The following CLNK variants were observed in gnomAD, a reference collection of about 807,000 sequenced individuals.
CLNK encodes the protein cytokine-dependent hematopoietic cell linker.
In CLNK, 74 loss-of-function variants were observed where a neutral mutation model predicts 68.6. The ratio of observed to expected loss-of-function variants is 1.08; its 90% CI spans 0.89 to 1.31. CLNK has a LOEUF of 1.31. Among genes scored for constraint, CLNK ranks in the 50% most tolerant of loss-of-function variants. The pLI, the probability that CLNK is intolerant of heterozygous loss-of-function variation, is 0.00. For synonymous variants in CLNK, 198 were observed against 172.2 expected (o/e 1.15, Z -1.17); for missense variants, 553 against 515.3 (o/e 1.07, Z -0.71).
At chr4:10,610,033 G>GTTTTTTTTTTTTTT (rs71181047) in intron 2 of CLNK, among the ~76,000 whole-genome samples, 4 of 73,450 alleles carry the variant, frequency 5.4e-5, no homozygotes, top group Non-Finnish European at 7.2e-5. Flanking sequence ...ATGAATGCTC[G>GTTTTTTTTTTTTTT]TTTTTTTTTT....
chr4:10,694,744 T>C, the CLNK span, among the ~76,000 whole-genome samples: 1 of 152,176 alleles, frequency 6.6e-6, no homozygotes, highest in African/African-American at 2.4e-5. Flanking sequence ...TGGTGGTATA[T>C]ACTACCAACA....
intron 1 of CLNK, among the ~76,000 whole-genome samples, chr4:10,677,856 A>AATG (rs1245608345): frequency 6.6e-6 from 1 of 151,670 alleles, no homozygotes; most frequent in African/African-American, 2.4e-5. Flanking sequence ...TAATAATAAT[A>AATG]ATAATACCAT....
chr4:10,699,220 A>ATGTGTGTATACACACACATACACACCACG, the CLNK span, among the ~76,000 whole-genome samples: 4 of 75,586 alleles, frequency 5.3e-5, no homozygotes, highest in Non-Finnish European at 5.8e-5. Context: ...TACACACCAC[A>ATGTGTGTATACACACACATACACACCACG]TATGTGTGTG....
intron 16 of CLNK, among the ~76,000 whole-genome samples, chr4:10,511,724 T>TTG (rs943836473): frequency 1.3e-5 from 2 of 152,048 alleles, no homozygotes; most frequent in African/African-American, 2.4e-5. Flanking sequence ...AACTGTTTCA[T>TTG]TGTGTGTGTG....
rs1028912768 is a variant in CLNK at position 10,489,379 on chromosome 4, G to T, written c.*1088C>A. On this transcript the variant is annotated 3_prime_UTR_variant, in exon 19 of 19. Transcript: ENST00000226951. ...TGAATGGAAGTCCATAATTGGAATT[G>T]TTAATACAATTTTTAGTTTCCCTCA... is the stretch of plus-strand genomic sequence containing the variant. 4 of 152,198 alleles carry T rather than the reference G, an allele frequency of 2.6e-5. No homozygotes were observed. The highest frequency in any genetic ancestry group is 9.6e-5 in the African/African-American group (4 of 41,456). The allele number at this position is 152,198 out of a possible 1,614,324, so 9.4% of individuals were successfully genotyped here.
chr4:10,663,086 G>A (rs1724255934), intron 2 of CLNK, among the ~76,000 whole-genome samples: 1 of 152,202 alleles, frequency 6.6e-6, no homozygotes, highest in Non-Finnish European at 1.5e-5. Context: ...AAAGCACTCA[G>A]AACCACAGCG....
At chr4:10,708,666 A>G in the CLNK span, among the ~76,000 whole-genome samples, 2 of 152,368 alleles carry the variant, frequency 1.3e-5, no homozygotes, top group African/African-American at 4.8e-5. Context: ...AGTTCAGGGA[A>G]GGCAGGGCAC....
chr4:10,514,023 C>T (rs1475978207), intron 15 of CLNK, among the ~76,000 whole-genome samples: 45 of 115,504 alleles, frequency 3.9e-4, no homozygotes, highest in African/African-American at 1.4e-3. Context: ...CCCTCCCCAC[C>T]ACAGTCCCCA....
intron 6 of CLNK, 109 bp downstream of exon 6, chr4:10,565,900 C>T: frequency 8.5e-7 from 1 of 1,180,060 alleles, no homozygotes; most frequent in Admixed American, 2.4e-5. Flanking sequence ...GTCATGGGGG[C>T]AGACGTTAAC....
At chr4:10,633,471 A>G (rs544755073) in intron 2 of CLNK, among the ~76,000 whole-genome samples, 2 of 152,208 alleles carry the variant, frequency 1.3e-5, no homozygotes, top group Non-Finnish European at 1.5e-5. Flanking sequence ...CTTCATCTAC[A>G]TTCTCCCATT....
At chr4:10,531,707 C>T (rs1450771199) in intron 12 of CLNK, 1 of 456,592 alleles carries the variant, frequency 2.2e-6, no homozygotes, top group South Asian at 1.5e-5. Flanking sequence ...TCCCAAAGTG[C>T]TGGGATTACA....
chr4:10,692,620 A>G, the CLNK span, among the ~76,000 whole-genome samples: 2 of 152,244 alleles, frequency 1.3e-5, no homozygotes, highest in African/African-American at 4.8e-5. Flanking sequence ...CTAAGGCACA[A>G]TAATGAGAAA....
chr4:10,502,564 C>T (rs1717100456), intron 17 of CLNK, among the ~76,000 whole-genome samples: 2 of 151,766 alleles, frequency 1.3e-5, no homozygotes, highest in Admixed American at 1.3e-4. Flanking sequence ...TCAATGTTCA[C>T]ATATTTCCTC....
At chr4:10,629,448 A>G (rs539002914) in intron 2 of CLNK, among the ~76,000 whole-genome samples, 3 of 152,256 alleles carry the variant, frequency 2.0e-5, no homozygotes, top group African/African-American at 2.4e-5. Flanking sequence ...AGTCAAGGCC[A>G]TGGGGTGTTC....
chr4:10,647,650 C>G (rs1410165319), intron 2 of CLNK, among the ~76,000 whole-genome samples: 2 of 152,060 alleles, frequency 1.3e-5, no homozygotes, highest in Non-Finnish European at 2.9e-5. Context: ...GAGGGAAGTA[C>G]TCTATATTAA....
chr4:10,595,524 G>A (rs911454559), intron 3 of CLNK, among the ~76,000 whole-genome samples: 5 of 152,096 alleles, frequency 3.3e-5, no homozygotes, highest in South Asian at 4.1e-4. Flanking sequence ...CTCCCAGGCC[G>A]TATCATCCAA....
At chr4:10,529,009 C>T (rs1434493888) in intron 12 of CLNK, among the ~76,000 whole-genome samples, 1 of 152,228 alleles carries the variant, frequency 6.6e-6, no homozygotes, top group Middle Eastern at 3.4e-3. Flanking sequence ...CTACTCTACC[C>T]TTGAAGAAGC....
chr4:10,722,647 A>C, the CLNK span, among the ~76,000 whole-genome samples: 2 of 152,242 alleles, frequency 1.3e-5, no homozygotes, highest in African/African-American at 4.8e-5. Flanking sequence ...TAAAGAAGGA[A>C]GCAACAAAAG....
intron 8 of CLNK, among the ~76,000 whole-genome samples, chr4:10,543,755 T>G (rs556779128): frequency 1.3e-5 from 2 of 152,370 alleles, no homozygotes; most frequent in South Asian, 4.1e-4. Context: ...AAATTACCAT[T>G]CTTCCTTTCT....
Sources: gnomAD v4.1 joint callset for allele counts (sites outside exome capture counted in the v4.1 genomes callset) on GRCh38, gnomAD v4.1.1 for gene constraint, MANE v1.5 for transcripts, NCBI Gene and HGNC (gene_info 2026-07-23, HGNC 2026-07-21) for gene names.